Variants in TGFA observed in about 807,000 individuals in gnomAD.
TGFA encodes protransforming growth factor alpha.
Under a neutral mutation model 21.7 loss-of-function variants are expected in TGFA, and 12 were observed. The observed-to-expected ratio is 0.55, with a 90% CI of 0.35 to 0.90. The LOEUF (loss-of-function observed/expected upper bound fraction) is 0.90, where lower values mean the gene tolerates loss of function less well. TGFA is among the 40% of genes least tolerant of loss of function. TGFA has a pLI of 0.01. For missense variants in TGFA, 178 were observed against 210.8 expected, an observed-to-expected ratio of 0.84 and a Z score of 0.96; for synonymous variants, 79 against 88.1, an observed-to-expected ratio of 0.90 and a Z score of 0.58.
Position 70,449,345 on chromosome 2 carries a change from A to G in TGFA, c.*1514T>C, listed in dbSNP as rs1411615576. On this transcript the variant is annotated 3_prime_UTR_variant, in exon 6 of 6. Transcript: ENST00000295400. ...GCTAGGTGCACTTAAGAGTTAATAC[A>G]TAGAAATCTTTCACTTTTCAGATAT... is the stretch of plus-strand genomic sequence containing the variant. The G allele has an allele frequency of 3.3e-5, 5 of 152,484 alleles. No individual in the cohort carries two copies. Among genetic ancestry groups the G allele is most frequent in the Non-Finnish European group, 2.9e-5 (2 of 68,238 alleles). The allele number at this position is 152,484 out of a possible 1,614,324, so 9.4% of individuals were successfully genotyped here.
rs1175233983 is a variant in TGFA, at chr2:70,476,080, C to CAAAAAAAAAAAAA, written c.95-10357_95-10345dup. On this transcript the variant is annotated intron_variant, in intron 2 of 5. Coordinates refer to ENST00000295400, the MANE Select transcript of TGFA (RefSeq NM_003236.4). ...CTACCTTGGTCTTAGTAATTTTAAG[C>CAAAAAAAAAAAAA]AAAAAAAAAAAAAAAAAAAAAAAAA... 1.0e-3 allele frequency among the ~76,000 whole-genome samples: 58 copies of CAAAAAAAAAAAAA among 55,620 alleles called. 2 individuals carry two copies. Among genetic ancestry groups the CAAAAAAAAAAAAA allele is most frequent in the East Asian group, 8.5e-3 (11 of 1,290 alleles). The allele number at this position is 55,620 out of a possible 152,430, so 36.5% of individuals were successfully genotyped here. A position where few individuals can be genotyped will look rare whatever the true frequency, so the allele number is the denominator to read the frequency against.
chr2:70,532,865 C>CT (rs5832016), intron 1 of TGFA, among the ~76,000 whole-genome samples: 8,168 of 145,068 alleles, frequency 0.056, 789 homozygotes, highest in African/African-American at 0.2. Context: ...TATTCTTTTT[C>CT]TTTTTTTTTT....
intron 1 of TGFA, among the ~76,000 whole-genome samples, chr2:70,551,513 G>A (rs1673508691): frequency 6.6e-6 from 1 of 152,200 alleles, no homozygotes. Context: ...TGGAACACTG[G>A]TTGATTCTCC....
chr2:70,478,124 A>G (rs1553494810), intron 2 of TGFA, among the ~76,000 whole-genome samples: 3 of 152,142 alleles, frequency 2.0e-5, no homozygotes, highest in African/African-American at 7.2e-5. Flanking sequence ...TCCATCCTGG[A>G]GGGATCAGGT....
chr2:70,523,414 C>CA (rs1227231582), intron 1 of TGFA, among the ~76,000 whole-genome samples: 1 of 152,222 alleles, frequency 6.6e-6, no homozygotes, highest in Non-Finnish European at 1.5e-5. Flanking sequence ...CAAACACACT[C>CA]ACTGGTGTTC....
intron 1 of TGFA, among the ~76,000 whole-genome samples, chr2:70,517,213 A>G (rs560506703): frequency 1.6e-4 from 25 of 152,238 alleles, no homozygotes; most frequent in Non-Finnish European, 3.2e-4. Flanking sequence ...GATGAAAGAC[A>G]CTGGCTTTTT....
intron 3 of TGFA, 150 bp from the exon 4 acceptor site, chr2:70,456,638 A>G: frequency 1.1e-6 from 1 of 908,822 alleles, no homozygotes; most frequent in Non-Finnish European, 1.7e-6. Flanking sequence ...GAAAGGTGTC[A>G]GCAAAATGCC....
chr2:70,465,531 C>A, intron 3 of TGFA, 85 bp downstream of exon 3: 2 of 1,551,794 alleles, frequency 1.3e-6, no homozygotes, highest in Middle Eastern at 1.8e-4. Flanking sequence ...GAGCCTCTGG[C>A]AAGTCTTATG....
At chr2:70,451,818 C>T (rs374097398) in intron 5 of TGFA, 7 of 680,110 alleles carry the variant, frequency 1.0e-5, no homozygotes, top group Non-Finnish European at 1.8e-5. Context: ...CTCACTCCCC[C>T]ACTGATTCCC....
intron 2 of TGFA, among the ~76,000 whole-genome samples, chr2:70,475,058 C>T (rs1237003690): frequency 6.6e-6 from 1 of 151,618 alleles, no homozygotes; most frequent in Non-Finnish European, 1.5e-5. Context: ...ATCATGCTTA[C>T]TTTGAAGGCA....
intron 2 of TGFA, among the ~76,000 whole-genome samples, chr2:70,482,715 C>A (rs967129476): frequency 6.7e-6 from 1 of 148,370 alleles, no homozygotes; most frequent in African/African-American, 2.5e-5. Context: ...TGGCTCAAAA[C>A]TTTTTTTTTT....
intron 3 of TGFA, among the ~76,000 whole-genome samples, chr2:70,463,498 CAG>C (rs1553491744): frequency 2.0e-5 from 3 of 152,182 alleles, no homozygotes; most frequent in Non-Finnish European, 4.4e-5. Context: ...TTCTGCCACA[CAG>C]GTGGCTGTGG....
At chr2:70,545,733 T>C (rs1376437566) in intron 1 of TGFA, among the ~76,000 whole-genome samples, 1 of 152,086 alleles carries the variant, frequency 6.6e-6, no homozygotes, top group East Asian at 1.9e-4. Context: ...AGAACACTAA[T>C]GGGGAAAGAT....
At chr2:70,550,164 G>A (rs1673443928) in intron 1 of TGFA, among the ~76,000 whole-genome samples, 1 of 151,970 alleles carries the variant, frequency 6.6e-6, no homozygotes, top group African/African-American at 2.4e-5. Flanking sequence ...CATTCTTTAG[G>A]TCCACATTCG....
chr2:70,456,670 G>A (rs180726085), intron 3 of TGFA, among the ~76,000 whole-genome samples, 182 bp from the exon 4 acceptor site: 48 of 152,212 alleles, frequency 3.2e-4, no homozygotes, highest in Non-Finnish European at 5.9e-4. Flanking sequence ...CGCAGGCACC[G>A]CTGCTTATGT....
At chr2:70,553,418 T>G (rs1673577799) in intron 1 of TGFA, 2 of 1,433,476 alleles carry the variant, frequency 1.4e-6, no homozygotes, top group African/African-American at 1.4e-5. Flanking sequence ...TAGGCATGTG[T>G]CTGAGCAGAC....
intron 1 of TGFA, chr2:70,553,425 A>G: frequency 7.0e-7 from 1 of 1,428,320 alleles, no homozygotes; most frequent in Non-Finnish European, 9.1e-7. Context: ...GTGTCTGAGC[A>G]GACACACAGC....
intron 1 of TGFA, among the ~76,000 whole-genome samples, chr2:70,540,896 C>T (rs1291980534): frequency 6.6e-6 from 1 of 152,180 alleles, no homozygotes; most frequent in Non-Finnish European, 1.5e-5. Context: ...AACCATGAAG[C>T]AGCATTCAAT....
At chr2:70,462,195 CT>C (rs1173741885) in intron 3 of TGFA, among the ~76,000 whole-genome samples, 1 of 152,228 alleles carries the variant, frequency 6.6e-6, no homozygotes, top group African/African-American at 2.4e-5. Context: ...GAGTGTTCTA[CT>C]TTCTCTGCAT....
Sources: gnomAD v4.1 joint callset for allele counts (sites outside exome capture counted in the v4.1 genomes callset) on GRCh38, gnomAD v4.1.1 for gene constraint, MANE v1.5 for transcripts, NCBI Gene and HGNC (gene_info 2026-07-23, HGNC 2026-07-21) for gene names.